Variants in DCDC1 observed in about 807,000 individuals in gnomAD.
DCDC1 encodes the protein doublecortin domain-containing protein 1.
A neutral mutation model predicts 178.3 loss-of-function variants in DCDC1; 200 were observed. The observed-to-expected ratio is 1.12, with a 90% confidence interval of 1.00 to 1.26. The LOEUF (loss-of-function observed/expected upper bound fraction) is 1.26. Ranked by LOEUF, DCDC1 falls within the 50% of genes most tolerant of loss-of-function variation. The probability of loss-of-function intolerance (pLI) is 0.00; values close to 1 mark genes in which losing one functional copy is unlikely to be tolerated. For missense variants in DCDC1, 1,983 were observed against 1,749.2 expected, an observed-to-expected ratio of 1.13 and a Z score of -2.38; for synonymous variants, 690 against 604.8, an observed-to-expected ratio of 1.14 and a Z score of -2.07.
chr11:31,097,899 A>G (rs1209729311), intron 15 of DCDC1, among the ~76,000 whole-genome samples: 1 of 152,204 alleles, frequency 6.6e-6, no homozygotes, highest in African/African-American at 2.4e-5. Context: ...ATGCCAGAAT[A>G]ATACAGTACT....
At chr11:31,231,277 T>C (rs1975749082) in intron 9 of DCDC1, among the ~76,000 whole-genome samples, 1 of 152,128 alleles carries the variant, frequency 6.6e-6, no homozygotes, top group Non-Finnish European at 1.5e-5. Flanking sequence ...CTCAACTTTG[T>C]ATTTCTATCC....
At chr11:30,924,695 GA>G (rs1946486867) in intron 23 of DCDC1, among the ~76,000 whole-genome samples, 1 of 152,170 alleles carries the variant, frequency 6.6e-6, no homozygotes, top group East Asian at 1.9e-4. Flanking sequence ...CAGAGCAGGA[GA>G]TAGAAATTAC....
Position 31,255,294 on chromosome 11 carries a change from ATT to A in DCDC1, c.1054+10211_1054+10212del, listed in dbSNP as rs1220492157. On this transcript the variant is annotated intron_variant, in intron 8 of 38. Transcript: ENST00000684477. ...ATACTTGTTTGAGTACCTGTTTTTA[ATT>A]TTTTTTGCCTAAATATCTAGGAGTG... 4.0e-5 allele frequency among the ~76,000 whole-genome samples: 6 copies of A among 151,896 alleles called. No individual in the cohort carries two copies. In the East Asian group the frequency reaches 1.2e-3, roughly 29 times the overall value.
chr11:31,096,712 A>G lies in DCDC1; in HGVS notation c.1984-2528T>C, dbSNP rs892952185. On this transcript the variant is annotated intron_variant, in intron 15 of 38. Transcript: ENST00000684477. ...TATTGTGTTATTAAAAAAAAAAAAA[A>G]TCCTGCCAAGTCTGGAGTTCTGATA... 3.9e-5 allele frequency among the ~76,000 whole-genome samples: 6 copies of G among 152,016 alleles called. No homozygotes were observed. The East Asian group carries it at 1.2e-3, about 29-fold the overall frequency.
intron 20 of DCDC1, among the ~76,000 whole-genome samples, chr11:30,980,654 T>C (rs1950346952): frequency 6.6e-6 from 1 of 152,110 alleles, no homozygotes; most frequent in South Asian, 2.1e-4. Context: ...TTAAGAGCAG[T>C]CTTATTTAAA....
chr11:31,149,532 C>G (rs766226964), intron 9 of DCDC1, among the ~76,000 whole-genome samples: 2 of 152,062 alleles, frequency 1.3e-5, no homozygotes, highest in South Asian at 2.1e-4. Flanking sequence ...GCAACCTGCT[C>G]GGGTTGGCTT....
intron 38 of DCDC1, among the ~76,000 whole-genome samples, chr11:30,875,923 A>C (rs1266742299): frequency 6.6e-6 from 1 of 152,218 alleles, no homozygotes; most frequent in African/African-American, 2.4e-5. Context: ...AGTTATTCTC[A>C]GAAAGACTGC....
intron 25 of DCDC1, among the ~76,000 whole-genome samples, chr11:30,918,467 G>A (rs1946017708): frequency 6.6e-6 from 1 of 152,154 alleles, no homozygotes; most frequent in Non-Finnish European, 1.5e-5. Context: ...GAATAAACAA[G>A]ATAAATGCCA....
At chr11:31,032,556 TA>T (rs796747739) in intron 20 of DCDC1, among the ~76,000 whole-genome samples, 5,881 of 143,116 alleles carry the variant, frequency 0.041, 355 homozygotes, top group African/African-American at 0.14. Context: ...TATGCCTCAG[TA>T]AAAAAAAAAA....
chr11:31,028,754 T>A (rs1025438104), intron 20 of DCDC1, among the ~76,000 whole-genome samples: 3 of 152,014 alleles, frequency 2.0e-5, no homozygotes, highest in Non-Finnish European at 4.4e-5. Context: ...GGCTTTCTAC[T>A]AAGAGGAATT....
At chr11:30,889,162 G>A (rs1327727953) in intron 36 of DCDC1, among the ~76,000 whole-genome samples, 2 of 152,192 alleles carry the variant, frequency 1.3e-5, no homozygotes, top group Non-Finnish European at 2.9e-5. Context: ...AGAAGGAGGG[G>A]CACAGGCAAT....
intron 11 of DCDC1, among the ~76,000 whole-genome samples, chr11:31,122,066 A>G (rs1344208966): frequency 6.6e-6 from 1 of 152,116 alleles, no homozygotes; most frequent in Admixed American, 6.6e-5. Flanking sequence ...ATGGTGTCCA[A>G]AGGAAGGTAG....
At chr11:30,872,514 A>G (rs1941677418) in intron 38 of DCDC1, among the ~76,000 whole-genome samples, 1 of 152,198 alleles carries the variant, frequency 6.6e-6, no homozygotes, top group Non-Finnish European at 1.5e-5. Context: ...AAATGTGGCT[A>G]CTAGAAAATT....
chr11:31,342,851 C>T (rs1204886809), intron 1 of DCDC1, among the ~76,000 whole-genome samples: 2 of 151,994 alleles, frequency 1.3e-5, no homozygotes, highest in African/African-American at 4.8e-5. Context: ...TCAAAAATAA[C>T]CTGAAGAAAA....
intron 20 of DCDC1, among the ~76,000 whole-genome samples, chr11:31,041,592 T>G (rs1357550554): frequency 6.6e-6 from 1 of 152,238 alleles, no homozygotes; most frequent in Non-Finnish European, 1.5e-5. Context: ...CCAGGGATTT[T>G]GTCTCCCAAG....
chr11:31,148,908 C>T (rs1483390326), intron 9 of DCDC1, among the ~76,000 whole-genome samples: 2 of 151,982 alleles, frequency 1.3e-5, no homozygotes, highest in African/African-American at 2.4e-5. Flanking sequence ...CCAACTTCCC[C>T]CCAAGTCCCC....
At chr11:30,997,385 C>G (rs1415060877) in intron 20 of DCDC1, among the ~76,000 whole-genome samples, 3 of 152,014 alleles carry the variant, frequency 2.0e-5, no homozygotes, top group African/African-American at 7.2e-5. Context: ...AAATGAAATA[C>G]AGCTTTTGAC....
At chr11:31,054,244 GAAA>G (rs58611104) in intron 20 of DCDC1, among the ~76,000 whole-genome samples, 1 of 119,068 alleles carries the variant, frequency 8.4e-6, no homozygotes, top group African/African-American at 3.1e-5. Context: ...AAGGAAAAAA[GAAA>G]AAAAAAAAAA....
intron 20 of DCDC1, among the ~76,000 whole-genome samples, chr11:30,980,195 A>C (rs1040406430): frequency 6.6e-6 from 1 of 152,124 alleles, no homozygotes; most frequent in African/African-American, 2.4e-5. Flanking sequence ...CATATAACTC[A>C]CACCAAATAC....
Sources: allele counts gnomAD v4.1 joint callset (sites outside exome capture counted in the v4.1 genomes callset), GRCh38; gene constraint gnomAD v4.1.1; transcripts MANE v1.5; gene names NCBI Gene and HGNC (gene_info 2026-07-23, HGNC 2026-07-21).